The following LTBP1 variants were observed in gnomAD, a reference collection of about 807,000 sequenced individuals.
LTBP1 encodes latent transforming growth factor beta binding protein 1.
LTBP1 carries 129 observed loss-of-function variants against 207.6 expected under a neutral mutation model. That is an observed-to-expected ratio of 0.62 (90% CI 0.54 to 0.72). LTBP1 has a LOEUF of 0.72. Among genes scored for constraint, LTBP1 ranks in the 30% least tolerant of loss-of-function variants. LTBP1 has a pLI of 0.00. For missense variants in LTBP1, 2,281 were observed against 2,217.2 expected (o/e 1.03, Z -0.58); for synonymous variants, 963 against 833.7 (o/e 1.16, Z -2.67).
intron 31 of LTBP1, among the ~76,000 whole-genome samples, chr2:33,371,400 C>G (rs1397242216): frequency 2.6e-5 from 4 of 152,174 alleles, no homozygotes; most frequent in Non-Finnish European, 5.9e-5. Flanking sequence ...TTGGGAGGAT[C>G]CTCAAATTTG....
intron 5 of LTBP1, among the ~76,000 whole-genome samples, chr2:33,170,769 G>T (rs953002865): frequency 1.3e-5 from 2 of 152,044 alleles, no homozygotes; most frequent in Admixed American, 1.3e-4. Flanking sequence ...CCCAGTAGGG[G>T]CAGACTGACA....
intron 3 of LTBP1, among the ~76,000 whole-genome samples, chr2:33,093,810 G>C (rs1313406243): frequency 4.0e-5 from 6 of 151,548 alleles, no homozygotes; most frequent in African/African-American, 1.2e-4. Flanking sequence ...TGATGATGAT[G>C]ATTATCATCA....
chr2:33,157,835 A>C (rs1432390475), intron 5 of LTBP1, among the ~76,000 whole-genome samples: 2 of 152,126 alleles, frequency 1.3e-5, no homozygotes, highest in Non-Finnish European at 2.9e-5. Flanking sequence ...AAAAGCTGGA[A>C]TGACCATAGT....
Position 33,315,127 on chromosome 2 carries a change from T to C in LTBP1, c.3605-17T>C, listed in dbSNP as rs1354528102. 5 of 1,585,500 alleles carry C rather than the reference T, an allele frequency of 3.2e-6. No individual in the cohort carries two copies. Among genetic ancestry groups the C allele is most frequent in the Admixed American group, 2.0e-5 (1 of 49,600 alleles). Reference sequence around the variant, plus strand: ...CCGATTTTTTTCAAGTTTTTAAGACTCTATTTTAAATTACAGATATTAATG... The same window carrying C: ...CCGATTTTTTTCAAGTTTTTAAGACCCTATTTTAAATTACAGATATTAATG... On this transcript the variant is annotated splice_polypyrimidine_tract_variant and intron_variant, in intron 23 of 33. Transcript: ENST00000404816.
intron 4 of LTBP1, among the ~76,000 whole-genome samples, chr2:33,122,449 G>T (rs1013285188): frequency 4.6e-5 from 7 of 152,120 alleles, no homozygotes; most frequent in African/African-American, 1.7e-4. Flanking sequence ...AAAGCGGGTG[G>T]GCAGTTGACT....
intron 2 of LTBP1, among the ~76,000 whole-genome samples, chr2:32,972,667 G>A (rs1681085584): frequency 6.6e-6 from 1 of 152,166 alleles, no homozygotes; most frequent in Admixed American, 6.5e-5. Flanking sequence ...GGAGGTGACT[G>A]GATCATGGGG....
intron 4 of LTBP1, among the ~76,000 whole-genome samples, chr2:33,111,936 C>G (rs1303718492): frequency 6.6e-6 from 1 of 152,096 alleles, no homozygotes; most frequent in Non-Finnish European, 1.5e-5. Context: ...TCTTAAAAAT[C>G]CTTTGATATT....
At position 33,397,274 on chromosome 2, in the gene LTBP1, C is replaced by T; in HGVS notation, c.4976C>T (p.Thr1659Ile). The change falls in exon 33 of 34, where the codon ACC becomes ATC. Residue 1659 changes from threonine (T) to isoleucine (I), a missense_variant. By Grantham distance (89) the Thr-to-Ile change is moderately conservative (BLOSUM62 -1). Around this residue, in one of 3 missense-constraint regions of LTBP1, gnomAD observed 1,671 missense variants for 1,634.8 expected, o/e 1.02. Transcript: ENST00000404816. ...DGYHLDTAKM[T>I]CVDVNECDEL... ...TATCACTTGGATACGGCCAAGATGA[C>T]CTGTGTCGGTAAGAATGACGTGTGT... 6.2e-7 allele frequency: 1 copy of T among 1,614,020 alleles called. No individual in the cohort carries two copies. The highest frequency in any genetic ancestry group is 1.1e-5 in the South Asian group (1 of 91,078).
chr2:33,337,745 A>C (rs1441240194), intron 24 of LTBP1, among the ~76,000 whole-genome samples: 1 of 152,226 alleles, frequency 6.6e-6, no homozygotes, highest in Non-Finnish European at 1.5e-5. Context: ...TTTTAACAGA[A>C]TCACCCTTCA....
intron 19 of LTBP1, among the ~76,000 whole-genome samples, chr2:33,286,479 G>A (rs1341235532): frequency 6.6e-6 from 1 of 152,154 alleles, no homozygotes; most frequent in Non-Finnish European, 1.5e-5. Flanking sequence ...TTGAAGACTT[G>A]GTACAGCAGA....
intron 30 of LTBP1, among the ~76,000 whole-genome samples, chr2:33,364,850 A>G (rs992046657): frequency 1.3e-5 from 2 of 152,246 alleles, no homozygotes; most frequent in African/African-American, 4.8e-5. Context: ...CATTCGCCTC[A>G]GGAGACTGCT....
chr2:33,379,754 A>G (rs1197336458), intron 31 of LTBP1, among the ~76,000 whole-genome samples: 1 of 152,242 alleles, frequency 6.6e-6, no homozygotes, highest in Non-Finnish European at 1.5e-5. Flanking sequence ...TATTGAATGA[A>G]ATACATTTTC....
chr2:33,173,435 C>T (rs895601988), intron 5 of LTBP1, among the ~76,000 whole-genome samples: 1 of 152,162 alleles, frequency 6.6e-6, no homozygotes, highest in African/African-American at 2.4e-5. Context: ...GACACATACA[C>T]CCTCCCAAGA....
chr2:33,001,477 A>G lies in LTBP1; in HGVS notation c.566-19432A>G, dbSNP rs1235021257. On this transcript the variant is annotated intron_variant, in intron 2 of 33. Transcript: ENST00000404816. Reference sequence around the variant, plus strand: ...CCTAGAACAACTGCCTTAAGATTAAATAATGTTGGATACAGCTTGGGTCCA... The same window carrying G: ...CCTAGAACAACTGCCTTAAGATTAAGTAATGTTGGATACAGCTTGGGTCCA... Among the ~76,000 whole-genome samples the G allele has an allele frequency of 3.0e-5, 4 of 134,808 alleles. 1 individual carries two copies. The highest frequency in any genetic ancestry group is 6.5e-5 in the Non-Finnish European group (4 of 61,364). 88.4% of individuals were successfully genotyped at this position (134,808 alleles called of 152,430 possible).
At chr2:33,013,682 G>T (rs1039540698) in intron 2 of LTBP1, among the ~76,000 whole-genome samples, 3 of 152,044 alleles carry the variant, frequency 2.0e-5, no homozygotes, top group Non-Finnish European at 4.4e-5. Context: ...ATTTAATTAC[G>T]TTATATTCTG....
At chr2:32,961,254 G>A (rs1405955061) in intron 2 of LTBP1, among the ~76,000 whole-genome samples, 3 of 152,104 alleles carry the variant, frequency 2.0e-5, no homozygotes, top group African/African-American at 4.8e-5. Flanking sequence ...CTGGACCTCC[G>A]GGTCTCTGCC....
chr2:33,327,365 T>G (rs1410633797), intron 24 of LTBP1, among the ~76,000 whole-genome samples: 1 of 152,204 alleles, frequency 6.6e-6, no homozygotes. Flanking sequence ...AACAATGCTG[T>G]TATACTTCTA....
intron 9 of LTBP1, among the ~76,000 whole-genome samples, chr2:33,238,686 T>TC (rs899750422): frequency 3.3e-5 from 5 of 152,164 alleles, no homozygotes; most frequent in Non-Finnish European, 7.4e-5. Context: ...CCTATTATTT[T>TC]CCCCCATCCT....
At chr2:33,049,644 C>T (rs1169742333) in intron 3 of LTBP1, among the ~76,000 whole-genome samples, 1 of 152,100 alleles carries the variant, frequency 6.6e-6, no homozygotes, top group Non-Finnish European at 1.5e-5. Context: ...TCATTTTTAT[C>T]TCAGCCTTCC....
Sources: allele counts gnomAD v4.1 joint callset (sites outside exome capture counted in the v4.1 genomes callset), GRCh38; gene constraint gnomAD v4.1.1; regional missense constraint gnomAD v4.1.1; transcripts MANE v1.5; gene names NCBI Gene and HGNC (gene_info 2026-07-23, HGNC 2026-07-21).